SPRED1: variants seen among roughly 807,000 people sequenced by gnomAD.
The protein encoded by SPRED1 is sprouty related EVH1 domain containing 1.
SPRED1 carries 18 observed loss-of-function variants against 52.3 expected under a neutral mutation model. The observed-to-expected ratio is 0.34, with a 90% confidence interval of 0.24 to 0.51. The LOEUF (loss-of-function observed/expected upper bound fraction) is 0.51, where lower values mean the gene tolerates loss of function less well. SPRED1 is among the 20% of genes least tolerant of loss of function. The pLI is 0.97. For synonymous variants in SPRED1, 155 were observed against 179.7 expected, an observed-to-expected ratio of 0.86 and a Z score of 1.10; for missense variants, 485 against 551.0, an observed-to-expected ratio of 0.88 and a Z score of 1.20.
At chr15:38,290,077 C>A (rs1398881547) in intron 1 of SPRED1, among the ~76,000 whole-genome samples, 1 of 152,116 alleles carries the variant, frequency 6.6e-6, no homozygotes, top group African/African-American at 2.4e-5. Context: ...TAGGCTTTCC[C>A]AACTATAGGA....
intron 4 of SPRED1, among the ~76,000 whole-genome samples, chr15:38,337,894 G>A (rs1895952012): frequency 6.6e-6 from 1 of 151,856 alleles, no homozygotes; most frequent in South Asian, 2.1e-4. Flanking sequence ...CCAACCCTGA[G>A]ATTATTGAGG....
At chr15:38,281,828 A>G (rs1428176935) in intron 1 of SPRED1, among the ~76,000 whole-genome samples, 1 of 152,094 alleles carries the variant, frequency 6.6e-6, no homozygotes, top group Non-Finnish European at 1.5e-5. Flanking sequence ...GGATTTATGG[A>G]TGAAGAAGAA....
At chr15:38,284,375 G>A (rs111636874) in intron 1 of SPRED1, among the ~76,000 whole-genome samples, 172 of 152,004 alleles carry the variant, frequency 1.1e-3, no homozygotes, top group African/African-American at 3.9e-3. Flanking sequence ...TACATTTCTG[G>A]GTCTAAAGGT....
chr15:38,310,183 C>T (rs1221922148), intron 2 of SPRED1, among the ~76,000 whole-genome samples: 1 of 123,476 alleles, frequency 8.1e-6, no homozygotes, highest in Non-Finnish European at 1.7e-5. Context: ...TCTTGTTGCC[C>T]ATACTGGAGC....
chr15:38,286,950 T>C lies in SPRED1; in HGVS notation c.33-12423T>C, dbSNP rs552533827. ...TTTTTATTCATACTGCACATTATTA[T>C]ATTGCTACTTGTATTATATCTACAA... On this transcript the variant is annotated intron_variant, in intron 1 of 6. Transcript: ENST00000299084. Among the ~76,000 whole-genome samples the C allele has an allele frequency of 5.3e-5, 8 of 152,304 alleles. No individual in the cohort carries two copies. In the South Asian group the frequency reaches 1.5e-3, roughly 28 times the overall value.
chr15:38,256,283 A>G (rs1260009253), intron 1 of SPRED1, among the ~76,000 whole-genome samples: 4 of 152,174 alleles, frequency 2.6e-5, no homozygotes, highest in African/African-American at 9.6e-5. Flanking sequence ...TTTTGTAGGT[A>G]ATTTGCACAG....
Position 38,252,939 on chromosome 15 carries a change from CA to C in SPRED1, c.-246del, listed in dbSNP as rs997166358. The C allele has an allele frequency of 1.7e-6, 1 of 588,414 alleles. No homozygotes were observed. Among genetic ancestry groups the C allele is most frequent in the Non-Finnish European group, 3.0e-6 (1 of 330,934 alleles). 36.4% of individuals were successfully genotyped at this position (588,414 alleles called of 1,614,324 possible). A position where few individuals can be genotyped will look rare whatever the true frequency, so the allele number is the denominator to read the frequency against. ...GGCCTCCTCGGATCCCTTGGCTGGG[CA>C]CTGAGGCGGGGGAAGAGGCTGGGGT... is the stretch of plus-strand genomic sequence containing the variant. On this transcript the variant is annotated 5_prime_UTR_variant, in exon 1 of 7. Transcript: ENST00000299084.
intron 2 of SPRED1, among the ~76,000 whole-genome samples, chr15:38,309,155 G>A (rs1895311345): frequency 6.6e-6 from 1 of 152,102 alleles, no homozygotes; most frequent in African/African-American, 2.4e-5. Context: ...TTATTGGATT[G>A]TTTGAGGGGT....
At chr15:38,333,460 C>G (rs1228496463) in intron 4 of SPRED1, among the ~76,000 whole-genome samples, 1 of 152,070 alleles carries the variant, frequency 6.6e-6, no homozygotes, top group Admixed American at 6.6e-5. Context: ...AGTATATTGA[C>G]TATTTTAAAG....
At chr15:38,319,277 ATTG>A (rs201818537) in intron 2 of SPRED1, among the ~76,000 whole-genome samples, 29 of 152,280 alleles carry the variant, frequency 1.9e-4, no homozygotes, top group African/African-American at 3.6e-4. Flanking sequence ...TTAATCGTGA[ATTG>A]TTGTTGTTGT....
Position 38,267,211 on chromosome 15 carries a change from G to A in SPRED1, c.32+13994G>A, listed in dbSNP as rs149767691. Reference sequence around the variant, plus strand: ...TGATATACTTAATATAAAGACTTAGGCGTATATCTAGTTTTTAAATAATCA... The same window carrying A: ...TGATATACTTAATATAAAGACTTAGACGTATATCTAGTTTTTAAATAATCA... On this transcript the variant is annotated intron_variant, in intron 1 of 6. Transcript: ENST00000299084. Among the ~76,000 whole-genome samples, 10 of 146,734 alleles carry A rather than the reference G, an allele frequency of 6.8e-5. No individual in the cohort carries two copies. In the East Asian group the frequency reaches 2.1e-3, roughly 30 times the overall value.
chr15:38,349,788 C>T (rs1354910912), intron 6 of SPRED1, among the ~76,000 whole-genome samples: 2 of 152,062 alleles, frequency 1.3e-5, no homozygotes, highest in Non-Finnish European at 1.5e-5. Context: ...TATCTGTCAC[C>T]CCACCTTTAG....
intron 1 of SPRED1, among the ~76,000 whole-genome samples, chr15:38,276,771 T>G (rs1450695980): frequency 1.3e-5 from 2 of 152,216 alleles, no homozygotes; most frequent in Admixed American, 1.3e-4. Flanking sequence ...TTAAACATTT[T>G]TTGACTTACA....
chr15:38,329,028 CTTG>C (rs950464414), intron 4 of SPRED1, among the ~76,000 whole-genome samples: 4 of 151,984 alleles, frequency 2.6e-5, no homozygotes, highest in East Asian at 1.9e-4. Flanking sequence ...CTAGGTTTTT[CTTG>C]TTGTTGTTGT....
intron 1 of SPRED1, among the ~76,000 whole-genome samples, chr15:38,294,698 G>A (rs1480204100): frequency 6.6e-6 from 1 of 152,108 alleles, no homozygotes; most frequent in South Asian, 2.1e-4. Context: ...AATATAAATG[G>A]CCAGCAGGCT....
intron 1 of SPRED1, among the ~76,000 whole-genome samples, chr15:38,254,127 C>T (rs1894042592): frequency 6.6e-6 from 1 of 152,068 alleles, no homozygotes. Flanking sequence ...GATTTAATTC[C>T]AAGCAGAATA....
chr15:38,338,750 A>G (rs1895972895), intron 4 of SPRED1, among the ~76,000 whole-genome samples: 1 of 152,192 alleles, frequency 6.6e-6, no homozygotes, highest in African/African-American at 2.4e-5. Context: ...ATTGAATGCC[A>G]AAGGAATTAA....
intron 1 of SPRED1, among the ~76,000 whole-genome samples, chr15:38,270,143 G>T (rs1333702794): frequency 6.6e-6 from 1 of 152,106 alleles, no homozygotes; most frequent in Admixed American, 6.5e-5. Flanking sequence ...CCGACCTCAG[G>T]TGATCTGCCT....
intron 1 of SPRED1, 133 bp from the exon 2 acceptor site, chr15:38,299,240 T>G: frequency 9.8e-7 from 1 of 1,016,576 alleles, no homozygotes; most frequent in Non-Finnish European, 1.6e-6. Flanking sequence ...TTCTGTAGAT[T>G]TTCATGGAAG....
Sources: allele counts gnomAD v4.1 joint callset (sites outside exome capture counted in the v4.1 genomes callset), GRCh38; gene constraint gnomAD v4.1.1; transcripts MANE v1.5; gene names NCBI Gene and HGNC (gene_info 2026-07-23, HGNC 2026-07-21).